Variants in HLCS observed in about 807,000 individuals in gnomAD.
The protein encoded by HLCS is biotin--protein ligase.
Under a neutral mutation model 75.0 loss-of-function variants are expected in HLCS, and 53 were observed. That is an observed-to-expected ratio of 0.71 (90% CI 0.57 to 0.89). HLCS has a LOEUF of 0.89. HLCS is among the 40% of genes least tolerant of loss of function. The probability of loss-of-function intolerance (pLI) is 0.00; values close to 1 mark genes in which losing one functional copy is unlikely to be tolerated. For missense variants in HLCS, 966 were observed against 1,074.0 expected (o/e 0.90, Z 1.41); for synonymous variants, 431 against 428.6 (o/e 1.01, Z -0.07).
chr21:36,827,175 T>C (rs1354689067), intron 6 of HLCS, among the ~76,000 whole-genome samples: 2 of 151,892 alleles, frequency 1.3e-5, no homozygotes, highest in Admixed American at 1.3e-4. Flanking sequence ...GGAAGTCTGT[T>C]TTGGGAGTAA....
intron 6 of HLCS, among the ~76,000 whole-genome samples, chr21:36,880,406 A>C (rs2064158490): frequency 6.6e-6 from 1 of 152,150 alleles, no homozygotes. Context: ...AACAAAAACA[A>C]ATTCTAAAAG....
At chr21:36,771,291 T>C (rs888999170) in intron 6 of HLCS, among the ~76,000 whole-genome samples, 4 of 152,156 alleles carry the variant, frequency 2.6e-5, no homozygotes, top group East Asian at 1.9e-4. Flanking sequence ...CAATAGTTAT[T>C]TGCAGTACCC....
chr21:36,845,359 C>T (rs552269960), intron 6 of HLCS, among the ~76,000 whole-genome samples: 3 of 152,226 alleles, frequency 2.0e-5, no homozygotes, highest in Admixed American at 1.3e-4. Context: ...TTCCGTGCCG[C>T]GGCACACAAC....
intron 6 of HLCS, among the ~76,000 whole-genome samples, chr21:36,865,390 A>C (rs1010617532): frequency 2.0e-5 from 3 of 152,156 alleles, no homozygotes; most frequent in Non-Finnish European, 2.9e-5. Context: ...GCAGGAAAGA[A>C]GCAAAGATGG....
intron 6 of HLCS, among the ~76,000 whole-genome samples, chr21:36,810,775 G>T (rs796489061): frequency 3.3e-5 from 5 of 152,276 alleles, no homozygotes; most frequent in African/African-American, 1.2e-4. Flanking sequence ...AATGTAGAAA[G>T]TAAAATATAA....
chr21:36,782,432 A>G (rs1244507592), intron 6 of HLCS, among the ~76,000 whole-genome samples: 3 of 152,196 alleles, frequency 2.0e-5, no homozygotes, highest in African/African-American at 7.2e-5. Flanking sequence ...TGTGGACTAC[A>G]TTTAAGAATC....
At chr21:36,887,314 C>T (rs556775887) in intron 6 of HLCS, among the ~76,000 whole-genome samples, 2 of 152,222 alleles carry the variant, frequency 1.3e-5, no homozygotes, top group Admixed American at 6.5e-5. Flanking sequence ...AACATCAACG[C>T]TGAGAGGACA....
intron 6 of HLCS, among the ~76,000 whole-genome samples, chr21:36,888,445 A>AATATATAT (rs71198839): frequency 1.7e-4 from 4 of 24,092 alleles, no homozygotes; most frequent in African/African-American, 2.5e-4. Flanking sequence ...AAAAAAAAAA[A>AATATATAT]ATATATATAT....
chr21:36,979,693 T>C (rs2069053957), intron 1 of HLCS, among the ~76,000 whole-genome samples: 1 of 151,928 alleles, frequency 6.6e-6, no homozygotes, highest in African/African-American at 2.4e-5. Flanking sequence ...AGCAGAAGGA[T>C]CACTTCAGGC....
chr21:36,967,882 G>A (rs1451460070), upstream of HLCS, among the ~76,000 whole-genome samples: 1 of 152,092 alleles, frequency 6.6e-6, no homozygotes, highest in Non-Finnish European at 1.5e-5. Context: ...ACCATGCCTG[G>A]CTAACTTTTG....
intron 6 of HLCS, among the ~76,000 whole-genome samples, chr21:36,770,180 CTG>C (rs2090183847): frequency 1.5e-5 from 2 of 132,528 alleles, no homozygotes; most frequent in Non-Finnish European, 3.1e-5. Context: ...CAGTCTCACT[CTG>C]TCGCCCAGGC....
intron 6 of HLCS, among the ~76,000 whole-genome samples, chr21:36,863,686 T>C (rs1257179007): frequency 6.6e-6 from 1 of 152,244 alleles, no homozygotes; most frequent in African/African-American, 2.4e-5. Flanking sequence ...CTTTTCAGCA[T>C]AGTAATGAAA....
chr21:36,879,843 G>A (rs540817265), intron 6 of HLCS, among the ~76,000 whole-genome samples: 13 of 151,726 alleles, frequency 8.6e-5, no homozygotes, highest in East Asian at 7.8e-4. Flanking sequence ...CCAGGAGTTC[G>A]AGGCTGCAGT....
intron 4 of HLCS, among the ~76,000 whole-genome samples, chr21:36,933,331 C>T (rs1054271891): frequency 1.3e-5 from 2 of 151,966 alleles, no homozygotes; most frequent in Non-Finnish European, 2.9e-5. Context: ...CATATCCTCA[C>T]CTGATGTCAG....
chr21:36,827,085 A>G (rs2062031142), intron 6 of HLCS, among the ~76,000 whole-genome samples: 1 of 152,184 alleles, frequency 6.6e-6, no homozygotes, highest in Non-Finnish European at 1.5e-5. Context: ...AGGCGGCCCA[A>G]TAGACACAGG....
At chr21:36,802,876 T>C (rs2061249875) in intron 6 of HLCS, among the ~76,000 whole-genome samples, 1 of 152,040 alleles carries the variant, frequency 6.6e-6, no homozygotes, top group African/African-American at 2.4e-5. Context: ...GTACAGGGAG[T>C]GTTTCAAAAC....
intron 2 of HLCS, among the ~76,000 whole-genome samples, chr21:36,952,413 G>A (rs950843319): frequency 3.3e-5 from 5 of 152,180 alleles, no homozygotes; most frequent in African/African-American, 1.2e-4. Context: ...ACCCACTGAT[G>A]TCTCTGATCA....
intron 6 of HLCS, among the ~76,000 whole-genome samples, chr21:36,868,274 G>GAAAGAAAGAAAGAAA (rs2063636299): frequency 7.4e-6 from 1 of 135,358 alleles, no homozygotes; most frequent in African/African-American, 3.1e-5. Context: ...AAGGAAGGAA[G>GAAAGAAAGAAAGAAA]GAAAGAAAGA....
chr21:36,920,027 T>C (rs2066094570), intron 5 of HLCS, among the ~76,000 whole-genome samples: 1 of 152,066 alleles, frequency 6.6e-6, no homozygotes, highest in Non-Finnish European at 1.5e-5. Flanking sequence ...AGAGAAGGGT[T>C]TGGTCATGAG....
Sources: allele counts gnomAD v4.1 joint callset (sites outside exome capture counted in the v4.1 genomes callset), GRCh38; gene constraint gnomAD v4.1.1; transcripts MANE v1.5; gene names NCBI Gene and HGNC (gene_info 2026-07-23, HGNC 2026-07-21).